KIAA1549: variants seen among roughly 807,000 people sequenced by gnomAD.
The protein encoded by KIAA1549 is UPF0606 protein KIAA1549.
KIAA1549 carries 70 observed loss-of-function variants against 156.4 expected under a neutral mutation model. The ratio of observed to expected loss-of-function variants is 0.45; its 90% CI spans 0.37 to 0.55. The LOEUF (loss-of-function observed/expected upper bound fraction) is 0.55, where lower values mean the gene tolerates loss of function less well. Ranked by LOEUF, KIAA1549 falls within the 20% of genes least tolerant of loss-of-function variation. KIAA1549 has a pLI of 0.00. For missense variants in KIAA1549, 2,428 were observed against 2,540.9 expected (o/e 0.96, Z 0.96); for synonymous variants, 1,103 against 1,066.4 (o/e 1.03, Z -0.67).
At chr7:138,876,636 T>C (rs1811092156) in intron 12 of KIAA1549, among the ~76,000 whole-genome samples, 1 of 152,238 alleles carries the variant, frequency 6.6e-6, no homozygotes, top group Admixed American at 6.5e-5. Context: ...TTGCAATCCT[T>C]ACCTACTTGG....
chr7:138,958,682 C>T (rs615104), intron 1 of KIAA1549, among the ~76,000 whole-genome samples: 44,523 of 151,862 alleles, frequency 0.29, 7,734 homozygotes, highest in African/African-American at 0.5. Flanking sequence ...ACATCAGCTA[C>T]TCTTCTTCCC....
chr7:138,874,080 T>C (rs956260796), intron 12 of KIAA1549, among the ~76,000 whole-genome samples: 4 of 148,110 alleles, frequency 2.7e-5, no homozygotes, highest in Non-Finnish European at 5.9e-5. Flanking sequence ...TACTTCTATA[T>C]CATATATTAA....
At position 138,832,158 on chromosome 7, in the gene KIAA1549, T is replaced by C. The variant is rs886844625; in HGVS notation, c.*5748A>G. 7 of 206,850 alleles carry C rather than the reference T, an allele frequency of 3.4e-5. No homozygotes were observed. Among genetic ancestry groups the C allele is most frequent in the Admixed American group, 6.0e-5 (1 of 16,654 alleles). The allele number at this position is 206,850 out of a possible 1,614,324, so 12.8% of individuals were successfully genotyped here. On this transcript the variant is annotated 3_prime_UTR_variant, in exon 20 of 20. Coordinates refer to ENST00000422774, the MANE Select transcript of KIAA1549 (RefSeq NM_001164665.2). ...AGGGACTGCAAGAGACTCAAGTCAC[T>C]CAAAATTTCACCTCTGTCCCTTTTA...
chr7:138,898,609 T>C lies in KIAA1549; in HGVS notation c.3847+346A>G, dbSNP rs148443988. ...TGTTCAAAATATGACACAGAAGATT[T>C]TGGAATAAATACAGAGCAAACACAT... On this transcript the variant is annotated intron_variant, in intron 9 of 19. Coordinates refer to ENST00000422774, the MANE Select transcript of KIAA1549 (RefSeq NM_001164665.2). Among the ~76,000 whole-genome samples, 67 of 152,266 alleles carry C rather than the reference T, an allele frequency of 4.4e-4. No homozygotes were observed. In the East Asian group the frequency reaches 0.01, roughly 24 times the overall value.
intron 10 of KIAA1549, among the ~76,000 whole-genome samples, chr7:138,892,385 C>G (rs559246032): frequency 6.6e-6 from 1 of 152,286 alleles, no homozygotes; most frequent in South Asian, 2.1e-4. Context: ...AATACATAAC[C>G]GTCTACACTG....
chr7:138,901,382 T>C (rs888513751), intron 8 of KIAA1549, among the ~76,000 whole-genome samples: 16 of 151,304 alleles, frequency 1.1e-4, no homozygotes, highest in Non-Finnish European at 1.9e-4. Context: ...CTGGAGTGCA[T>C]TGGTGTGATC....
chr7:138,918,415 T>C lies in KIAA1549; in HGVS notation c.1211A>G (p.Asp404Gly). Residue 404 changes from aspartate (D) to glycine (G), a missense_variant, in exon 2 of 20, where the codon GAC becomes GGC. By Grantham distance (94) the Asp-to-Gly change is moderately conservative. This residue lies in a region of KIAA1549 where 893 missense variants were observed against 847.9 expected (regional missense o/e 1.05). Coordinates refer to ENST00000422774, the MANE Select transcript of KIAA1549 (RefSeq NM_001164665.2). This position sits in a 1 kb window ranked among gnomAD's most constrained non-coding sequence, Gnocchi z 4.2. ...CACCGGGCTCAGGATATGAGTGTTG[T>C]CCACAGGACCGGGGAGGGCTGAATT... ...HSNSALPGPV[D>G]NTHILSPVSS... 6.2e-7 allele frequency: 1 copy of C among 1,613,966 alleles called. No homozygotes were observed. Among genetic ancestry groups the C allele is most frequent in the Non-Finnish European group, 8.5e-7 (1 of 1,179,896 alleles).
intron 10 of KIAA1549, among the ~76,000 whole-genome samples, chr7:138,890,964 C>T (rs749891155): frequency 6.6e-5 from 10 of 152,296 alleles, no homozygotes; most frequent in African/African-American, 1.4e-4. Flanking sequence ...AGCTGCCCTC[C>T]GCTCCCCCAC....
chr7:138,852,267 T>C lies in KIAA1549; in HGVS notation c.5250A>G (p.Arg1750=). ...PAQTANNPCS[R]YEDYGMTPPT... Reference sequence around the variant, plus strand: ...GGGGAGTCATTCCATAGTCTTCGTATCTCTGGAAGACATACAAAAGAACAT... The same window carrying C: ...GGGGAGTCATTCCATAGTCTTCGTACCTCTGGAAGACATACAAAAGAACAT... Residue 1750 remains arginine (R), a splice_region_variant and synonymous_variant, in exon 17 of 20, where the codon AGA becomes AGG. Transcript: ENST00000422774. 6.2e-7 allele frequency: 1 copy of C among 1,603,358 alleles called. No individual in the cohort carries two copies. The highest frequency in any genetic ancestry group is 8.5e-7 in the Non-Finnish European group (1 of 1,172,634).
At position 138,831,579 on chromosome 7, in the gene KIAA1549, AC is replaced by A. The variant is rs948132073; in HGVS notation, c.*6326del. On this transcript the variant is annotated 3_prime_UTR_variant, in exon 20 of 20. Coordinates refer to ENST00000422774, the MANE Select transcript of KIAA1549 (RefSeq NM_001164665.2). ...GGAGGGGCCGATTATTAAATCGTATACCCATACTGAGATTTCAGTGCCTGTT... is the reference window on the plus strand; with the variant it reads ...GGAGGGGCCGATTATTAAATCGTATACCATACTGAGATTTCAGTGCCTGTT... 8.8e-6 allele frequency: 2 copies of A among 227,296 alleles called. No individual in the cohort carries two copies. Among genetic ancestry groups the A allele is most frequent in the African/African-American group, 2.2e-5 (1 of 45,018 alleles). 14.1% of individuals were successfully genotyped at this position (227,296 alleles called of 1,614,324 possible).
At position 138,909,314 on chromosome 7, in the gene KIAA1549, T is replaced by G. The variant is rs143763716; in HGVS notation, c.3146-193A>C. ...GGTAACTTTGCAGTAAATGAAGACA[T>G]GCAATGTGACGGTGACTGGTATCAT... On this transcript the variant is annotated intron_variant, in intron 4 of 19. Coordinates refer to ENST00000422774, the MANE Select transcript of KIAA1549 (RefSeq NM_001164665.2). Among the ~76,000 whole-genome samples, 171 of 152,354 alleles carry G rather than the reference T, an allele frequency of 1.1e-3. 1 individual carries two copies. The highest frequency in any genetic ancestry group is 3.8e-3 in the African/African-American group (159 of 41,582).
intron 7 of KIAA1549, among the ~76,000 whole-genome samples, chr7:138,904,737 T>G (rs920716239): frequency 3.3e-5 from 5 of 152,072 alleles, no homozygotes; most frequent in African/African-American, 1.2e-4. Context: ...GATCCTTGCT[T>G]CTAAACCTCA....
At chr7:138,919,500 G>C in intron 1 of KIAA1549, 62 bp from the exon 2 acceptor site, 1 of 1,546,504 alleles carries the variant, frequency 6.5e-7, no homozygotes, top group Non-Finnish European at 8.7e-7. Context: ...CTAACGTTTT[G>C]TTTCAGGCAT....
Position 138,912,960 on chromosome 7 carries a change from C to T in KIAA1549, c.2879-500G>A, listed in dbSNP as rs138687273. Among the ~76,000 whole-genome samples, 523 of 152,260 alleles carry T rather than the reference C, an allele frequency of 3.4e-3. 4 individuals are homozygous for T. The highest frequency in any genetic ancestry group is 0.012 in the African/African-American group (497 of 41,528). ...CGCAATCTTGGCTCACTGTAAGCTC[C>T]GCCTCCCGGGTTCACACCATTCTCC... On this transcript the variant is annotated intron_variant, in intron 2 of 19. Transcript: ENST00000422774.
rs755814342 is a variant in KIAA1549, at chr7:138,917,287, A to G, written c.2339T>C (p.Leu780Ser). 3.7e-6 allele frequency: 6 copies of G among 1,613,814 alleles called. No homozygotes were observed. The Admixed American group carries it at 6.7e-5, about 18-fold the overall frequency. Residue 780 changes from leucine (L) to serine (S), a missense_variant, in exon 2 of 20, where the codon TTG (leucine) becomes TCG (serine). Physicochemically the swap from Leu to Ser is moderately radical, Grantham distance 145 (BLOSUM62 -2). Around this residue, in one of 5 missense-constraint regions of KIAA1549, gnomAD observed 762 missense variants for 901.6 expected, o/e 0.85. Coordinates refer to ENST00000422774, the MANE Select transcript of KIAA1549 (RefSeq NM_001164665.2). The part of the protein sequence containing the change: ...VPPGSESFDI[L>S]TAGIQATSPL... ...TGATGTTGCTTGAATCCCGGCAGTC[A>G]AAATGTCAAAAGACTCAGAGCCGGG...
chr7:138,903,862 C>CGTGTGT lies in KIAA1549; in HGVS notation c.3521-127_3521-126insACACAC, dbSNP rs753878636. 17 of 645,124 alleles carry CGTGTGT rather than the reference C, an allele frequency of 2.6e-5. 2 individuals are homozygous for CGTGTGT. Among genetic ancestry groups the CGTGTGT allele is most frequent in the South Asian group, 4.3e-5 (2 of 47,036 alleles). 40.0% of individuals were successfully genotyped at this position (645,124 alleles called of 1,614,324 possible). On this transcript the variant is annotated intron_variant, in intron 7 of 19. Coordinates refer to ENST00000422774, the MANE Select transcript of KIAA1549 (RefSeq NM_001164665.2). Reference sequence around the variant, plus strand: ...GTGTGTGTGTGTGTGTGCGCGCGCGCGCGCGCGCACATATGTATTTGAAAT... The same window carrying CGTGTGT: ...GTGTGTGTGTGTGTGTGCGCGCGCGCGTGTGTGCGCGCGCACATATGTATTTGAAAT...
rs1333991799 is a variant in KIAA1549 at position 138,837,003 on chromosome 7, T to C, written c.*903A>G. The C allele has an allele frequency of 4.4e-6, 1 of 229,014 alleles. No homozygotes were observed. Among genetic ancestry groups the C allele is most frequent in the Non-Finnish European group, 8.7e-6 (1 of 115,452 alleles). The allele number at this position is 229,014 out of a possible 1,614,324, so 14.2% of individuals were successfully genotyped here. ...GGAAGAAAGGATCAGTTAGGACCTC[T>C]TGAAAGCCGCATTCTACAGGATCGG... On this transcript the variant is annotated 3_prime_UTR_variant, in exon 20 of 20. Coordinates refer to ENST00000422774, the MANE Select transcript of KIAA1549 (RefSeq NM_001164665.2).
chr7:138,869,118 G>A (rs1810843617), intron 14 of KIAA1549, among the ~76,000 whole-genome samples: 1 of 152,218 alleles, frequency 6.6e-6, no homozygotes, highest in African/African-American at 2.4e-5. Context: ...GCCAGCCTGG[G>A]TGGCTCCGGG....
intron 1 of KIAA1549, among the ~76,000 whole-genome samples, chr7:138,938,628 C>G (rs1813086785): frequency 6.6e-6 from 1 of 152,222 alleles, no homozygotes; most frequent in Non-Finnish European, 1.5e-5. Flanking sequence ...CAGATCAAAT[C>G]TATAGATAAC....
Sources: allele counts gnomAD v4.1 joint callset (sites outside exome capture counted in the v4.1 genomes callset), GRCh38; gene constraint gnomAD v4.1.1; regional missense constraint gnomAD v4.1.1; non-coding constraint Gnocchi (gnomAD v3.1); transcripts MANE v1.5; gene names NCBI Gene and HGNC (gene_info 2026-07-23, HGNC 2026-07-21).